MKLN1: variants seen among roughly 807,000 people sequenced by gnomAD.
MKLN1 encodes the protein muskelin.
Under a neutral mutation model 99.0 loss-of-function variants are expected in MKLN1, and 18 were observed. The observed-to-expected ratio is 0.18, with a 90% CI of 0.13 to 0.27. The LOEUF (loss-of-function observed/expected upper bound fraction) is 0.27. Among genes scored for constraint, MKLN1 ranks in the 10% least tolerant of loss-of-function variants. The probability of loss-of-function intolerance (pLI) is 1.00; values close to 1 mark genes in which losing one functional copy is unlikely to be tolerated. For missense variants in MKLN1, 621 were observed against 875.9 expected (o/e 0.71, Z 3.67); for synonymous variants, 288 against 293.2 (o/e 0.98, Z 0.18).
At position 131,199,840 on chromosome 7, in the gene MKLN1, C is replaced by T. The variant is rs927390566; in HGVS notation, c.-296-3017C>T. Among the ~76,000 whole-genome samples the T allele has an allele frequency of 4.6e-5, 7 of 152,058 alleles. No individual in the cohort carries two copies. In the East Asian group the frequency reaches 5.8e-4, roughly 13 times the overall value. ...TCCCAAGTAGCTGGGACTACAGGTG[C>T]GTGCCACCATGCCCAGCTAATTTTT... On this transcript the variant is annotated intron_variant, in intron 2 of 7. Coordinates refer to the MKLN1 transcript ENST00000416992.
chr7:131,358,830 T>C (rs1799950723), intron 1 of MKLN1, among the ~76,000 whole-genome samples: 1 of 152,194 alleles, frequency 6.6e-6, no homozygotes, highest in Admixed American at 6.5e-5. Context: ...CATTTTATTA[T>C]CTGTTTAATA....
chr7:131,153,963 A>G (rs1044032429), intron 2 of MKLN1, among the ~76,000 whole-genome samples: 14 of 152,014 alleles, frequency 9.2e-5, no homozygotes, highest in Non-Finnish European at 4.4e-5. Context: ...GCACCTGGCC[A>G]GAAGTAGGAT....
rs1797454670 is a variant in MKLN1 at position 131,492,661 on chromosome 7, A to G, written c.*4933A>G. On this transcript the variant is annotated 3_prime_UTR_variant, in exon 18 of 18. Coordinates refer to ENST00000352689, the MANE Select transcript of MKLN1 (RefSeq NM_013255.5). Reference sequence around the variant, plus strand: ...TGAGGTGGGAGGATCACTTGAACCCAGGAGTTTGGGGTGCAGTGAGCTATG... The same window carrying G: ...TGAGGTGGGAGGATCACTTGAACCCGGGAGTTTGGGGTGCAGTGAGCTATG... The G allele has an allele frequency of 6.7e-6, 1 of 148,720 alleles. No individual in the cohort carries two copies. Among genetic ancestry groups the G allele is most frequent in the African/African-American group, 2.5e-5 (1 of 40,202 alleles). 9.2% of individuals were successfully genotyped at this position (148,720 alleles called of 1,614,324 possible). A position where few individuals can be genotyped will look rare whatever the true frequency, so the allele number is the denominator to read the frequency against.
chr7:131,203,171 C>T (rs1397334320), intron 3 of MKLN1, among the ~76,000 whole-genome samples: 3 of 152,220 alleles, frequency 2.0e-5, no homozygotes, highest in Non-Finnish European at 2.9e-5. Flanking sequence ...ATAATTTAAA[C>T]TCCCAAGTCC....
chr7:131,219,783 G>T (rs966113620), intron 3 of MKLN1, among the ~76,000 whole-genome samples: 1 of 152,058 alleles, frequency 6.6e-6, no homozygotes, highest in Non-Finnish European at 1.5e-5. Context: ...CTAGTCACTG[G>T]GTTTATTCTC....
At chr7:131,258,197 C>T (rs1457285180) in intron 3 of MKLN1, among the ~76,000 whole-genome samples, 4 of 150,384 alleles carry the variant, frequency 2.7e-5, no homozygotes, top group African/African-American at 9.8e-5. Context: ...CATGTGTAAT[C>T]TTTTAACACT....
chr7:131,452,421 G>A (rs542021038), intron 12 of MKLN1, among the ~76,000 whole-genome samples: 1 of 151,822 alleles, frequency 6.6e-6, no homozygotes, highest in East Asian at 1.9e-4. Context: ...AAATTTTTAT[G>A]AAAACCTTAA....
intron 15 of MKLN1, among the ~76,000 whole-genome samples, chr7:131,468,715 C>A (rs921569692): frequency 6.6e-6 from 1 of 152,096 alleles, no homozygotes; most frequent in African/African-American, 2.4e-5. Context: ...CAGGGCAGAA[C>A]TGTTGATTAA....
intron 1 of MKLN1, among the ~76,000 whole-genome samples, chr7:131,134,665 C>T (rs533898777): frequency 6.6e-6 from 1 of 152,304 alleles, no homozygotes; most frequent in East Asian, 1.9e-4. Context: ...ATAACTGTGT[C>T]TTCAGTGCTA....
At chr7:131,373,410 G>A (rs1422243722) in intron 1 of MKLN1, among the ~76,000 whole-genome samples, 1 of 151,510 alleles carries the variant, frequency 6.6e-6, no homozygotes, top group Admixed American at 6.6e-5. Context: ...TTTCTAGTTG[G>A]CTGTTTGCCT....
chr7:131,472,513 T>C (rs765012229), intron 16 of MKLN1, among the ~76,000 whole-genome samples: 1 of 152,166 alleles, frequency 6.6e-6, no homozygotes, highest in African/African-American at 2.4e-5. Context: ...TGCCACCAGC[T>C]TCCATTCCAT....
chr7:131,112,476 A>T (rs1376710144), intron 1 of MKLN1, among the ~76,000 whole-genome samples: 2 of 152,216 alleles, frequency 1.3e-5, no homozygotes, highest in Non-Finnish European at 2.9e-5. Context: ...CTTGCTCCCC[A>T]TGTACTTAGT....
At chr7:131,121,619 A>T (rs1368905254) in intron 1 of MKLN1, among the ~76,000 whole-genome samples, 1 of 125,086 alleles carries the variant, frequency 8.0e-6, no homozygotes, top group Non-Finnish European at 1.6e-5. Flanking sequence ...AGCCTGAGTG[A>T]CAGAGCAAGA....
chr7:131,381,918 C>T lies in MKLN1; in HGVS notation c.169-5202C>T, dbSNP rs548565295. On this transcript the variant is annotated intron_variant, in intron 2 of 17. Transcript: ENST00000352689. Reference sequence around the variant, plus strand: ...ATGTACTCACAAACATACTGGCAAGCGCAAGTGTCATTATTCAGGTAATAA... The same window carrying T: ...ATGTACTCACAAACATACTGGCAAGTGCAAGTGTCATTATTCAGGTAATAA... Among the ~76,000 whole-genome samples the T allele has an allele frequency of 9.2e-5, 14 of 152,236 alleles. No homozygotes were observed. In the East Asian group the frequency reaches 9.6e-4, roughly 10 times the overall value.
intron 9 of MKLN1, among the ~76,000 whole-genome samples, chr7:131,436,713 C>A (rs1192000700): frequency 6.6e-6 from 1 of 152,172 alleles, no homozygotes; most frequent in Non-Finnish European, 1.5e-5. Flanking sequence ...TCCTTTCCCC[C>A]TTTCAGCTAA....
intron 2 of MKLN1, among the ~76,000 whole-genome samples, chr7:131,170,222 G>A (rs886460501): frequency 2.6e-5 from 4 of 152,084 alleles, no homozygotes; most frequent in African/African-American, 7.2e-5. Context: ...ACTGCATACT[G>A]CACTAAATTA....
intron 3 of MKLN1, among the ~76,000 whole-genome samples, chr7:131,280,788 A>G (rs1033244529): frequency 6.6e-6 from 1 of 152,248 alleles, no homozygotes; most frequent in Non-Finnish European, 1.5e-5. Context: ...AGCTGGGATT[A>G]TGGGCTAACA....
At chr7:131,331,290 T>G (rs1799066261) in intron 1 of MKLN1, among the ~76,000 whole-genome samples, 1 of 152,206 alleles carries the variant, frequency 6.6e-6, no homozygotes, top group Non-Finnish European at 1.5e-5. Flanking sequence ...ACTTAAAAAC[T>G]ATTGCATTGT....
chr7:131,432,007 A>G lies in MKLN1; in HGVS notation c.960+2862A>G, dbSNP rs1236638618. ...TGTAAAGCCTTTCTTGAACTTGCCA[A>G]GCAGAATTAAAAGCTTCCTTTGATG... On this transcript the variant is annotated intron_variant, in intron 9 of 17. Transcript: ENST00000352689. 9.9e-5 allele frequency among the ~76,000 whole-genome samples: 15 copies of G among 152,204 alleles called. 1 individual carries two copies. Among genetic ancestry groups the G allele is most frequent in the Non-Finnish European group, 2.9e-5 (2 of 68,036 alleles).
Sources: allele counts gnomAD v4.1 joint callset (sites outside exome capture counted in the v4.1 genomes callset), GRCh38; gene constraint gnomAD v4.1.1; transcripts MANE v1.5; gene names NCBI Gene and HGNC (gene_info 2026-07-23, HGNC 2026-07-21).